GPALPP1: variants seen among roughly 807,000 people sequenced by gnomAD.
GPALPP1 encodes GPALPP motifs containing 1.
A neutral mutation model predicts 38.9 loss-of-function variants in GPALPP1; 30 were observed. The ratio of observed to expected loss-of-function variants is 0.77; its 90% CI spans 0.58 to 1.05. The LOEUF (loss-of-function observed/expected upper bound fraction) is 1.05, where lower values mean the gene tolerates loss of function less well. GPALPP1 is among the 50% of genes least tolerant of loss of function. The probability of loss-of-function intolerance (pLI) is 0.00; values close to 1 mark genes in which losing one functional copy is unlikely to be tolerated. For synonymous variants in GPALPP1, 120 were observed against 139.2 expected (o/e 0.86, Z 0.97); for missense variants, 384 against 408.8 (o/e 0.94, Z 0.52).
At chr13:45,025,433 C>T (rs1875765115) in intron 7 of GPALPP1, among the ~76,000 whole-genome samples, 1 of 152,066 alleles carries the variant, frequency 6.6e-6, no homozygotes, top group Non-Finnish European at 1.5e-5. Context: ...CTTTCCAAGT[C>T]TGTATAATGA....
intron 1 of GPALPP1, among the ~76,000 whole-genome samples, chr13:44,996,784 CTTTTTTTTTTT>C (rs770919969): frequency 2.1e-4 from 17 of 80,406 alleles, no homozygotes; most frequent in Middle Eastern, 0.013. Flanking sequence ...TGCCCAGCCT[CTTTTTTTTTTT>C]TTTTTTTTTT....
At chr13:45,012,365 G>A (rs929507463) in intron 4 of GPALPP1, among the ~76,000 whole-genome samples, 4 of 152,084 alleles carry the variant, frequency 2.6e-5, no homozygotes, top group African/African-American at 7.2e-5. Context: ...TGTCTATCTC[G>A]TGGGGAGAGG....
At chr13:45,015,887 G>A (rs968521787) in intron 6 of GPALPP1, among the ~76,000 whole-genome samples, 7 of 152,064 alleles carry the variant, frequency 4.6e-5, no homozygotes, top group South Asian at 2.1e-4. Flanking sequence ...TGAGGTCAAC[G>A]TTTCTAGGGT....
chr13:44,991,176 C>T (rs1848034145), intron 1 of GPALPP1, among the ~76,000 whole-genome samples: 1 of 152,046 alleles, frequency 6.6e-6, no homozygotes, highest in East Asian at 1.9e-4. Context: ...AGGCCAGGTG[C>T]GGTGGCTCAC....
intron 1 of GPALPP1, chr13:44,989,960 A>G: frequency 1.7e-6 from 1 of 593,768 alleles, no homozygotes; most frequent in East Asian, 2.8e-5. Context: ...CTTCGTGATG[A>G]TAATACATTC....
intron 1 of GPALPP1, among the ~76,000 whole-genome samples, chr13:44,997,012 A>T (rs1873341753): frequency 6.6e-6 from 1 of 151,834 alleles, no homozygotes; most frequent in Non-Finnish European, 1.5e-5. Flanking sequence ...CCAGCTCCTG[A>T]CAAGCACCAT....
chr13:45,034,953 CTTTTT>C (rs141156734), downstream of GPALPP1: 51 of 82,902 alleles, frequency 6.2e-4, 1 homozygote, highest in East Asian at 0.012. Flanking sequence ...CCAGGCTGGT[CTTTTT>C]TTTTTTTTTT....
At chr13:45,021,089 A>G (rs951833557) in intron 7 of GPALPP1, among the ~76,000 whole-genome samples, 2 of 152,208 alleles carry the variant, frequency 1.3e-5, no homozygotes, top group African/African-American at 2.4e-5. Flanking sequence ...CATTTGGCAT[A>G]TTATTTTGTT....
At position 45,015,072 on chromosome 13, in the gene GPALPP1, A is replaced by G; in HGVS notation, c.529A>G (p.Lys177Glu). The change falls in exon 5 of 8, where the codon AAA becomes GAA. Residue 177 changes from lysine to glutamate, a missense_variant. Transcript: ENST00000379151. ...CCAGAGAATGAAAGAAAAACTGACC[A>G]AAGGAGATGATGTAAGTTTTAAAAA... Reference protein sequence around the residue: ...RAQRMKEKLTKGDDDSSKPIV... With the variant: ...RAQRMKEKLTEGDDDSSKPIV... 1 of 1,598,164 alleles carries G rather than the reference A, an allele frequency of 6.3e-7. No individual in the cohort carries two copies. The highest frequency in any genetic ancestry group is 1.1e-5 in the South Asian group (1 of 88,910).
rs555373899 is a variant in GPALPP1, at chr13:44,991,201, C to T, written c.88+1459C>T. ...CGGTGGCTCACGCCTGTGAACCCAG[C>T]GCTTTGGGAGGCCGAGGCGGGCGGA... On this transcript the variant is annotated intron_variant, in intron 1 of 7. Transcript: ENST00000379151. Among the ~76,000 whole-genome samples, 5 of 152,228 alleles carry T rather than the reference C, an allele frequency of 3.3e-5. No homozygotes were observed. In the East Asian group the frequency reaches 9.7e-4, roughly 29 times the overall value.
At chr13:45,033,947 T>A (rs1876317215), downstream of GPALPP1, 1 of 152,158 alleles carries the variant, frequency 6.6e-6, no homozygotes. Flanking sequence ...TGAGTATGAG[T>A]TTCTTTGGTT....
At chr13:45,018,095 G>T (rs1874998687) in intron 6 of GPALPP1, among the ~76,000 whole-genome samples, 2 of 151,916 alleles carry the variant, frequency 1.3e-5, no homozygotes, top group African/African-American at 4.8e-5. Context: ...AGCCAATATG[G>T]CCTAAAAGAA....
intron 4 of GPALPP1, among the ~76,000 whole-genome samples, chr13:45,010,791 C>CA (rs1341558593): frequency 6.6e-6 from 1 of 152,070 alleles, no homozygotes; most frequent in African/African-American, 2.4e-5. Context: ...CAAGACCACC[C>CA]AGGGCAACAT....
chr13:45,022,899 G>A (rs184622061), intron 7 of GPALPP1, among the ~76,000 whole-genome samples: 163 of 152,178 alleles, frequency 1.1e-3, no homozygotes, highest in African/African-American at 3.3e-3. Context: ...AAATTAGCCA[G>A]GTCTGGTGGC....
At chr13:44,990,654 C>T (rs770249349) in intron 1 of GPALPP1, among the ~76,000 whole-genome samples, 2 of 152,142 alleles carry the variant, frequency 1.3e-5, no homozygotes, top group Non-Finnish European at 2.9e-5. Context: ...AGACTAGCAC[C>T]GACACCCAGT....
In GPALPP1 at chr13:45,015,045, G is replaced by A; in HGVS notation, c.502G>A (p.Ala168Thr). 6.2e-7 allele frequency: 1 copy of A among 1,609,028 alleles called. No individual in the cohort carries two copies. Among genetic ancestry groups the A allele is most frequent in the Non-Finnish European group, 8.5e-7 (1 of 1,176,320 alleles). Reference sequence around the variant, plus strand: ...TGTAACGACAGAGTTTGAAAAAAGGGCCCAGAGAATGAAAGAAAAACTGAC... The same window carrying A: ...TGTAACGACAGAGTTTGAAAAAAGGACCCAGAGAATGAAAGAAAAACTGAC... ...YNVTTEFEKRAQRMKEKLTKG... is the reference protein window; with the variant it reads ...YNVTTEFEKRTQRMKEKLTKG... The change falls in exon 5 of 8, where the codon GCC (alanine) becomes ACC (threonine). Residue 168 changes from alanine (A) to threonine (T), a missense_variant. Ala to Thr is a moderately conservative substitution (Grantham distance 58). Transcript: ENST00000379151.
intron 7 of GPALPP1, among the ~76,000 whole-genome samples, chr13:45,024,147 CTGTGTGTGTG>C (rs58048658): frequency 0.037 from 874 of 23,342 alleles, 60 homozygotes; most frequent in Middle Eastern, 0.056. Flanking sequence ...CCCTAAAACT[CTGTGTGTGTG>C]TGTGTGTGTG....
At chr13:45,004,686 C>T (rs978026664) in intron 2 of GPALPP1, among the ~76,000 whole-genome samples, 2 of 152,106 alleles carry the variant, frequency 1.3e-5, no homozygotes, top group Admixed American at 6.6e-5. Flanking sequence ...CTCACTCTGG[C>T]GCACATGCTG....
In GPALPP1 at chr13:45,015,494, CT is replaced by C. The variant is rs1362861390; in HGVS notation, c.606del (p.Phe202LeufsTer83). 6.2e-7 allele frequency: 1 copy of C among 1,608,984 alleles called. No individual in the cohort carries two copies. ...MTELPPEMKD[F>X]GLGPRTFKRR... ...CTGAACTTCCTCCAGAAATGAAAGA[CT>C]TTGGTCTTGGGCCAAGGACTTTTAA... On this transcript the variant is annotated frameshift_variant, in exon 6 of 8. Transcript: ENST00000379151. LOFTEE classifies it high-confidence loss of function.
Sources: gnomAD v4.1 joint callset for allele counts (sites outside exome capture counted in the v4.1 genomes callset) on GRCh38, gnomAD v4.1.1 for gene constraint, MANE v1.5 for transcripts, NCBI Gene and HGNC (gene_info 2026-07-23, HGNC 2026-07-21) for gene names.